The following CD36 variants were observed in gnomAD, a reference collection of about 807,000 sequenced individuals.
The protein encoded by CD36 is platelet glycoprotein 4.
CD36 carries 119 observed loss-of-function variants against 55.2 expected under a neutral mutation model. The ratio of observed to expected loss-of-function variants is 2.15; its 90% confidence interval spans 1.86 to 2.51. The LOEUF is 2.51. CD36 is among the 30% of genes most tolerant of loss of function. The probability of loss-of-function intolerance (pLI) is 0.00; values close to 1 mark genes in which losing one functional copy is unlikely to be tolerated. For synonymous variants in CD36, 186 were observed against 193.6 expected (o/e 0.96, Z 0.33); for missense variants, 819 against 555.5 (o/e 1.47, Z -4.77).
intron 4 of CD36, among the ~76,000 whole-genome samples, chr7:80,660,215 C>T (rs986692628): frequency 6.6e-6 from 1 of 152,018 alleles, no homozygotes; most frequent in Non-Finnish European, 1.5e-5. Context: ...CTGTAATAAT[C>T]ACCCTTCACC....
At chr7:80,624,899 A>G (rs1793658909) in intron 1 of CD36, 3 of 152,146 alleles carry the variant, frequency 2.0e-5, no homozygotes, top group South Asian at 4.1e-4. Flanking sequence ...GAGCAAGCAG[A>G]ATCTATCCTC....
chr7:80,650,261 G>A (rs563030147), intron 3 of CD36, among the ~76,000 whole-genome samples: 130 of 152,118 alleles, frequency 8.5e-4, no homozygotes, highest in Admixed American at 2.6e-3. Context: ...GTACATTTAA[G>A]GCTAAGCTTC....
At chr7:80,662,671 A>G in intron 5 of CD36, 1 of 364,334 alleles carries the variant, frequency 2.7e-6, no homozygotes, top group South Asian at 2.3e-5. Context: ...GCTTTGCTGC[A>G]CCTATCAAAC....
rs186264721 is a variant in CD36 at position 80,664,921 on chromosome 7, C to T, written c.701+424C>T. On this transcript the variant is annotated intron_variant, in intron 7 of 14. Transcript: ENST00000447544. ...GAAACTTTTTTTTTACTTTTTAAAT[C>T]GAGCATATCGAATTCCATATTCCAG... Among the ~76,000 whole-genome samples the T allele has an allele frequency of 3.2e-3, 484 of 150,212 alleles. 2 individuals carry two copies. The highest frequency in any genetic ancestry group is 0.011 in the African/African-American group (433 of 40,950).
At chr7:80,636,464 A>T (rs1332838231), upstream of CD36, among the ~76,000 whole-genome samples, 1 of 151,294 alleles carries the variant, frequency 6.6e-6, no homozygotes, top group African/African-American at 2.4e-5. Context: ...AGTCAATATA[A>T]CTAGGGCCCG....
intron 1 of CD36, among the ~76,000 whole-genome samples, chr7:80,629,939 A>T (rs1323731955): frequency 6.6e-6 from 1 of 151,738 alleles, no homozygotes; most frequent in Non-Finnish European, 1.5e-5. Context: ...TATTCTAGGT[A>T]ATTAATTTGC....
chr7:80,639,795 G>C (rs1794689182), intron 1 of CD36: 1 of 151,888 alleles, frequency 6.6e-6, no homozygotes, highest in Non-Finnish European at 1.5e-5. Context: ...TGGTCCTTTG[G>C]AATTTACAAG....
At chr7:80,673,579 A>C (rs1001555348) in intron 13 of CD36, 170 bp downstream of exon 13, 2 of 584,418 alleles carry the variant, frequency 3.4e-6, no homozygotes, top group Non-Finnish European at 6.2e-6. Flanking sequence ...GAACAAAAAC[A>C]TTTCCTATCA....
Position 80,661,108 on chromosome 7 carries a change from C to G in CD36, c.327C>G (p.Asp109Glu), listed in dbSNP as rs377027726. The G allele has an allele frequency of 1.2e-6, 2 of 1,613,870 alleles. No homozygotes were observed. Among genetic ancestry groups the G allele is most frequent in the Non-Finnish European group, 1.7e-6 (2 of 1,179,768 alleles). ...AAAATGTAACCCAGGACGCTGAGGACAACACAGTCTCTTTCCTGCAGCCCA... is the reference window on the plus strand; with the variant it reads ...AAAATGTAACCCAGGACGCTGAGGAGAACACAGTCTCTTTCCTGCAGCCCA... ...AKENVTQDAE[D>E]NTVSFLQPNG... Residue 109 changes from aspartate to glutamate, a missense_variant, in exon 5 of 15, where the codon GAC (aspartate) becomes GAG (glutamate). Coordinates refer to ENST00000447544, the MANE Select transcript of CD36 (RefSeq NM_001001548.3).
chr7:80,657,847 A>G (rs1379348459), intron 4 of CD36, among the ~76,000 whole-genome samples: 20 of 152,224 alleles, frequency 1.3e-4, no homozygotes. Flanking sequence ...AGTTCTCATC[A>G]CAAAGTTTTG....
chr7:80,666,701 T>A (rs1369054099), intron 8 of CD36, among the ~76,000 whole-genome samples: 1 of 152,220 alleles, frequency 6.6e-6, no homozygotes, highest in African/African-American at 2.4e-5. Flanking sequence ...AATTAGCCCT[T>A]ACTGCATGAT....
chr7:80,662,267 A>T (rs1203757128), intron 5 of CD36: 1 of 152,744 alleles, frequency 6.5e-6, no homozygotes, highest in Non-Finnish European at 1.5e-5. Flanking sequence ...AACCCACATT[A>T]AAAAAAGAAG....
intron 12 of CD36, 58 bp downstream of exon 12, chr7:80,672,901 G>A (rs1797851214): frequency 1.8e-6 from 2 of 1,086,872 alleles, no homozygotes; most frequent in Non-Finnish European, 1.4e-6. Context: ...GTATCTTCTT[G>A]TAAGAACATG....
intron 1 of CD36, among the ~76,000 whole-genome samples, chr7:80,613,945 T>C: frequency 6.6e-6 from 1 of 152,212 alleles, no homozygotes; most frequent in South Asian, 2.1e-4. Context: ...CTATATTTTG[T>C]AATAATACTA....
chr7:80,643,321 TC>T (rs1316903625), intron 1 of CD36, among the ~76,000 whole-genome samples: 1 of 152,192 alleles, frequency 6.6e-6, no homozygotes, highest in Non-Finnish European at 1.5e-5. Context: ...TAATTTTAAA[TC>T]ATTTTGTATC....
At chr7:80,605,850 A>G (rs1205603087) in intron 1 of CD36, among the ~76,000 whole-genome samples, 1 of 152,202 alleles carries the variant, frequency 6.6e-6, no homozygotes, top group Non-Finnish European at 1.5e-5. Context: ...AAGCAGATGC[A>G]TAGACAAAGA....
chr7:80,637,346 C>G (rs1794492245), upstream of CD36, among the ~76,000 whole-genome samples: 1 of 151,884 alleles, frequency 6.6e-6, no homozygotes, highest in African/African-American at 2.4e-5. Context: ...GAATTACCTT[C>G]TTAAGTTTCA....
chr7:80,622,979 A>C (rs12706912), intron 1 of CD36, among the ~76,000 whole-genome samples: 73,522 of 150,608 alleles, frequency 0.49, 18,280 homozygotes, highest in South Asian at 0.69. Flanking sequence ...CTCTGAACTA[A>C]ACTTTAGACA....
intron 3 of CD36, among the ~76,000 whole-genome samples, chr7:80,652,509 T>C (rs969829296): frequency 1.3e-5 from 2 of 152,182 alleles, no homozygotes; most frequent in African/African-American, 2.4e-5. Context: ...TTACACACAC[T>C]TGCATAATGC....
Sources: allele counts gnomAD v4.1 joint callset (sites outside exome capture counted in the v4.1 genomes callset), GRCh38; gene constraint gnomAD v4.1.1; transcripts MANE v1.5; gene names NCBI Gene and HGNC (gene_info 2026-07-23, HGNC 2026-07-21).